The following KCNMA1 variants were observed in gnomAD, a reference collection of about 807,000 sequenced individuals.
The protein encoded by KCNMA1 is Calcium-activated potassium channel subunit alpha-1.
Under a neutral mutation model 140.0 loss-of-function variants are expected in KCNMA1, and 29 were observed. The ratio of observed to expected loss-of-function variants is 0.21; its 90% confidence interval spans 0.15 to 0.28. The LOEUF is 0.28. Ranked by LOEUF, KCNMA1 falls within the 10% of genes least tolerant of loss-of-function variation. The pLI is 1.00. For missense variants in KCNMA1, 880 were observed against 1,602.2 expected (o/e 0.55, Z 7.70); for synonymous variants, 612 against 611.9 (o/e 1.00, Z 0.00).
chr10:77,008,115 A>G lies in KCNMA1; in HGVS notation c.2092+3852T>C. The stretch of plus-strand genomic sequence containing the variant: ...GAAACTAAAACTGTACAGAAAATTA[A>G]AAGAGTATCTCTTCTAGAGAAAGAC... On this transcript the variant is annotated intron_variant, in intron 18 of 27. Transcript: ENST00000286628. 10 of 1,417,642 alleles carry G rather than the reference A, an allele frequency of 7.1e-6. No homozygotes were observed. In the South Asian group the frequency reaches 1.0e-4, roughly 14 times the overall value. 87.8% of individuals were successfully genotyped at this position (1,417,642 alleles called of 1,614,324 possible). A position where few individuals can be genotyped will look rare whatever the true frequency, so the allele number is the denominator to read the frequency against.
intron 9 of KCNMA1, among the ~76,000 whole-genome samples, chr10:77,092,910 C>G (rs183882841): frequency 1.3e-5 from 2 of 152,166 alleles, no homozygotes; most frequent in Non-Finnish European, 2.9e-5. Context: ...TGAGTTCCCC[C>G]CTCTCACCCT....
intron 11 of KCNMA1, among the ~76,000 whole-genome samples, chr10:77,085,066 T>C (rs1411980684): frequency 6.6e-6 from 1 of 152,186 alleles, no homozygotes; most frequent in Non-Finnish European, 1.5e-5. Context: ...ATCTGCACCA[T>C]CATCCTAATT....
At chr10:77,549,302 C>T (rs933943246) in intron 1 of KCNMA1, among the ~76,000 whole-genome samples, 3 of 152,148 alleles carry the variant, frequency 2.0e-5, no homozygotes, top group African/African-American at 7.2e-5. Flanking sequence ...AAATTCTTCT[C>T]CATTATCTTG....
At chr10:77,329,063 A>G (rs9988712) in intron 2 of KCNMA1, among the ~76,000 whole-genome samples, 24,805 of 151,924 alleles carry the variant, frequency 0.16, 3,004 homozygotes, top group African/African-American at 0.34. Context: ...GATGGTCTCG[A>G]TCTCCTGACC....
At chr10:77,591,372 C>T (rs1386630411) in intron 1 of KCNMA1, among the ~76,000 whole-genome samples, 1 of 152,242 alleles carries the variant, frequency 6.6e-6, no homozygotes, top group Admixed American at 6.5e-5. Flanking sequence ...GCCTGACCAC[C>T]TCCTCCAGGA....
At chr10:77,413,432 C>T (rs1447702496) in intron 1 of KCNMA1, among the ~76,000 whole-genome samples, 1 of 152,234 alleles carries the variant, frequency 6.6e-6, no homozygotes, top group East Asian at 1.9e-4. Context: ...TTCCCAGCCA[C>T]GGGCATTCTC....
At chr10:77,216,370 G>T (rs751249157) in intron 3 of KCNMA1, among the ~76,000 whole-genome samples, 4 of 151,924 alleles carry the variant, frequency 2.6e-5, no homozygotes, top group Admixed American at 6.6e-5. Flanking sequence ...AGAAGAAGGG[G>T]GGAAGAGGAG....
intron 23 of KCNMA1, among the ~76,000 whole-genome samples, chr10:76,929,633 T>C (rs2058751028): frequency 6.6e-6 from 1 of 152,242 alleles, no homozygotes; most frequent in Non-Finnish European, 1.5e-5. Flanking sequence ...GATGGTTTCC[T>C]TGAGTAAGTA....
intron 29 of KCNMA1, among the ~76,000 whole-genome samples, chr10:76,878,304 G>A (rs764355556): frequency 1.6e-4 from 24 of 152,244 alleles, no homozygotes; most frequent in East Asian, 1.9e-4. Context: ...TGAGTGGAAC[G>A]GAAGGGCACC....
At chr10:77,410,550 G>A (rs1454897949) in intron 1 of KCNMA1, among the ~76,000 whole-genome samples, 1 of 152,212 alleles carries the variant, frequency 6.6e-6, no homozygotes, top group Non-Finnish European at 1.5e-5. Flanking sequence ...GGCCATCTGG[G>A]AAGAAAAATA....
intron 12 of KCNMA1, among the ~76,000 whole-genome samples, chr10:77,081,594 A>T (rs2153741790): frequency 6.6e-6 from 1 of 152,310 alleles, no homozygotes; most frequent in South Asian, 2.1e-4. Context: ...TTATCTGAAA[A>T]GCTGCAACGT....
At chr10:77,162,845 A>G (rs915355822) in intron 5 of KCNMA1, among the ~76,000 whole-genome samples, 3 of 152,344 alleles carry the variant, frequency 2.0e-5, no homozygotes, top group African/African-American at 7.2e-5. Flanking sequence ...GAAATCTCCA[A>G]TTAATTTTAG....
chr10:76,964,487 A>G (rs1363326131), intron 20 of KCNMA1, among the ~76,000 whole-genome samples: 1 of 152,188 alleles, frequency 6.6e-6, no homozygotes, highest in South Asian at 2.1e-4. Context: ...TGTGTGGTCC[A>G]CCCAAGCCTC....
intron 1 of KCNMA1, among the ~76,000 whole-genome samples, chr10:77,550,815 G>C (rs868681376): frequency 1.4e-4 from 22 of 152,134 alleles, no homozygotes; most frequent in Admixed American, 1.4e-3. Flanking sequence ...TTGTCCAGGT[G>C]GGGGGCTATT....
chr10:77,636,802 C>T (rs1403996261), intron 1 of KCNMA1: 12 of 1,445,968 alleles, frequency 8.3e-6, no homozygotes, highest in Non-Finnish European at 1.1e-5. Context: ...AACTCATCTC[C>T]CCAACAGGTT....
At chr10:77,249,134 G>A (rs537001463) in intron 3 of KCNMA1, among the ~76,000 whole-genome samples, 1 of 152,264 alleles carries the variant, frequency 6.6e-6, no homozygotes, top group South Asian at 2.1e-4. Flanking sequence ...AACCTTATGG[G>A]CATTTTTGCC....
chr10:77,246,482 G>C (rs535007178), intron 3 of KCNMA1, among the ~76,000 whole-genome samples: 1 of 152,298 alleles, frequency 6.6e-6, no homozygotes, highest in African/African-American at 2.4e-5. Flanking sequence ...GCCAAGGGAT[G>C]AGAGACCAGG....
At chr10:76,999,328 G>T (rs1198449202) in intron 19 of KCNMA1, among the ~76,000 whole-genome samples, 1 of 152,198 alleles carries the variant, frequency 6.6e-6, no homozygotes, top group African/African-American at 2.4e-5. Context: ...CATGACCAAG[G>T]GGCCCTAGCT....
At chr10:77,364,021 C>T (rs1258361063) in intron 2 of KCNMA1, among the ~76,000 whole-genome samples, 1 of 152,174 alleles carries the variant, frequency 6.6e-6, no homozygotes, top group Admixed American at 6.5e-5. Context: ...TTGCACAATG[C>T]CTGACACCTA....
Sources: gnomAD v4.1 joint callset for allele counts (sites outside exome capture counted in the v4.1 genomes callset) on GRCh38, gnomAD v4.1.1 for gene constraint, MANE v1.5 for transcripts, NCBI Gene and HGNC (gene_info 2026-07-23, HGNC 2026-07-21) for gene names.